Variants in SCGN observed in about 807,000 individuals in gnomAD.
SCGN encodes the protein secretagogin, EF-hand calcium binding protein.
SCGN carries 30 observed loss-of-function variants against 39.7 expected under a neutral mutation model. The observed-to-expected ratio is 0.76, with a 90% confidence interval of 0.57 to 1.03. SCGN has a LOEUF of 1.03. Among genes scored for constraint, SCGN ranks in the 50% least tolerant of loss-of-function variants. The pLI is 0.00. For missense variants in SCGN, 353 were observed against 349.4 expected (o/e 1.01, Z -0.08); for synonymous variants, 106 against 114.1 (o/e 0.93, Z 0.45).
In SCGN at chr6:25,701,469, C is replaced by T. The variant is rs1759912206; in HGVS notation, c.*134C>T. Reference sequence around the variant, plus strand: ...TGCTATTCTTGGGCAAGAACAGGGACGCTAGGGCCTTCCTTCCACCGGCGT... The same window carrying T: ...TGCTATTCTTGGGCAAGAACAGGGATGCTAGGGCCTTCCTTCCACCGGCGT... On this transcript the variant is annotated 3_prime_UTR_variant, in exon 11 of 11. Transcript: ENST00000377961. 1.5e-5 allele frequency: 16 copies of T among 1,049,306 alleles called. No individual in the cohort carries two copies. The highest frequency in any genetic ancestry group is 5.1e-5 in the East Asian group (2 of 38,942). 65.0% of individuals were successfully genotyped at this position (1,049,306 alleles called of 1,614,324 possible). A position where few individuals can be genotyped will look rare whatever the true frequency, so the allele number is the denominator to read the frequency against.
chr6:25,687,075 A>C (rs186040432), intron 7 of SCGN, among the ~76,000 whole-genome samples: 2 of 152,122 alleles, frequency 1.3e-5, no homozygotes, highest in Admixed American at 1.3e-4. Flanking sequence ...ATATCACACT[A>C]TCTTGATTCT....
intron 4 of SCGN, 75 bp from the exon 5 acceptor site, chr6:25,669,436 G>A: frequency 8.1e-7 from 1 of 1,235,960 alleles, no homozygotes; most frequent in South Asian, 1.2e-5. Flanking sequence ...TTCAGATGCT[G>A]AACTGTAGTA....
At chr6:25,655,554 G>T (rs919177685) in intron 2 of SCGN, among the ~76,000 whole-genome samples, 9 of 152,320 alleles carry the variant, frequency 5.9e-5, no homozygotes, top group Admixed American at 5.2e-4. Context: ...ACTCACTGGT[G>T]TCCTGCGCAA....
intron 10 of SCGN, among the ~76,000 whole-genome samples, chr6:25,700,987 T>G (rs988726134): frequency 2.2e-4 from 33 of 152,152 alleles, no homozygotes; most frequent in African/African-American, 6.7e-4. Flanking sequence ...GAAGTAAAGG[T>G]TTTTTGGCCT....
At chr6:25,670,425 G>A (rs1364927863) in intron 6 of SCGN, among the ~76,000 whole-genome samples, 1 of 152,186 alleles carries the variant, frequency 6.6e-6, no homozygotes, top group Non-Finnish European at 1.5e-5. Context: ...CAAACAGATG[G>A]AAGCTGCCTC....
intron 6 of SCGN, 36 bp downstream of exon 6, chr6:25,670,112 C>T (rs753410464): frequency 7.3e-7 from 1 of 1,378,346 alleles, no homozygotes; most frequent in African/African-American, 1.4e-5. Flanking sequence ...ATGAGGGCAG[C>T]TCCCCCACTC....
chr6:25,695,042 C>T (rs932856440), intron 10 of SCGN, among the ~76,000 whole-genome samples: 1 of 152,116 alleles, frequency 6.6e-6, no homozygotes, highest in Non-Finnish European at 1.5e-5. Flanking sequence ...CTGAAGTAAG[C>T]TTATCTTATA....
chr6:25,692,343 G>A (rs1051350835), intron 10 of SCGN, among the ~76,000 whole-genome samples: 1 of 152,176 alleles, frequency 6.6e-6, no homozygotes, highest in African/African-American at 2.4e-5. Context: ...AGAATGAATG[G>A]GACAGTCAGT....
At chr6:25,674,130 C>T (rs533727789) in intron 6 of SCGN, among the ~76,000 whole-genome samples, 2 of 152,312 alleles carry the variant, frequency 1.3e-5, no homozygotes, top group African/African-American at 4.8e-5. Context: ...TCAGGCCCCA[C>T]CTCCAACACT....
At chr6:25,698,384 CTT>C (rs1477177311) in intron 10 of SCGN, among the ~76,000 whole-genome samples, 2 of 152,248 alleles carry the variant, frequency 1.3e-5, no homozygotes, top group Admixed American at 1.3e-4. Flanking sequence ...CAAAAACAAA[CTT>C]AGAATAGTTT....
At chr6:25,652,636 G>A (rs1333095324) in intron 1 of SCGN, 151 bp downstream of exon 1, 5 of 632,572 alleles carry the variant, frequency 7.9e-6, no homozygotes, top group Admixed American at 6.0e-5. Context: ...ATTAACAGAC[G>A]TTTGGCATAC....
chr6:25,653,525 G>T (rs1353828163), intron 2 of SCGN, 73 bp downstream of exon 2: 2 of 1,107,440 alleles, frequency 1.8e-6, no homozygotes, highest in East Asian at 2.4e-5. Context: ...TATATTGATT[G>T]GTACCTATTA....
intron 2 of SCGN, 121 bp from the exon 3 acceptor site, chr6:25,661,431 G>T: frequency 1.5e-6 from 1 of 680,030 alleles, no homozygotes. Context: ...AATGGTCAAG[G>T]AACCTGCTTT....
intron 2 of SCGN, among the ~76,000 whole-genome samples, chr6:25,657,203 C>T (rs1355224324): frequency 6.6e-6 from 1 of 152,124 alleles, no homozygotes; most frequent in Non-Finnish European, 1.5e-5. Flanking sequence ...AGAACCTGTT[C>T]ACCTTCCACA....
rs767701450 is a variant in SCGN at position 25,669,552 on chromosome 6, A to C, written c.378A>C (p.Ser126=). 5 of 1,613,298 alleles carry C rather than the reference A, an allele frequency of 3.1e-6. No individual in the cohort carries two copies. The East Asian group carries it at 1.1e-4, about 36-fold the overall frequency. ...KYDADSSGFI[S]AAELRNFLRD... The stretch of plus-strand genomic sequence containing the variant: ...ACGCTGACAGCAGTGGCTTTATATC[A>C]GCTGCTGAGCTCCGCGTGAGTGTCA... The change falls in exon 5 of 11, where the codon TCA becomes TCC. Residue 126 remains serine (S), a synonymous_variant. Coordinates refer to ENST00000377961, the MANE Select transcript of SCGN (RefSeq NM_006998.4).
chr6:25,666,477 G>A (rs1760427459), intron 4 of SCGN, among the ~76,000 whole-genome samples: 1 of 152,180 alleles, frequency 6.6e-6, no homozygotes, highest in Admixed American at 6.5e-5. Context: ...AGTTCAAACT[G>A]AAAATAACAT....
chr6:25,653,904 A>G (rs993607316), intron 2 of SCGN, among the ~76,000 whole-genome samples: 1 of 152,246 alleles, frequency 6.6e-6, no homozygotes, highest in Non-Finnish European at 1.5e-5. Context: ...TATTCATTTT[A>G]TTAGAAGAGG....
intron 10 of SCGN, 69 bp downstream of exon 10, chr6:25,691,193 G>A (rs562975239): frequency 8.6e-7 from 1 of 1,164,912 alleles, no homozygotes; most frequent in African/African-American, 1.5e-5. Context: ...TTATTTGTGG[G>A]AATCAGTGAG....
intron 6 of SCGN, among the ~76,000 whole-genome samples, chr6:25,671,298 G>T (rs918240134): frequency 2.0e-5 from 3 of 152,206 alleles, no homozygotes; most frequent in Non-Finnish European, 4.4e-5. Context: ...TCATTTTAAA[G>T]ATCAGATAAC....
Sources: gnomAD v4.1 joint callset for allele counts (sites outside exome capture counted in the v4.1 genomes callset) on GRCh38, gnomAD v4.1.1 for gene constraint, MANE v1.5 for transcripts, NCBI Gene and HGNC (gene_info 2026-07-23, HGNC 2026-07-21) for gene names.